Variants in PTPN4 observed in about 807,000 individuals in gnomAD.
The protein encoded by PTPN4 is protein tyrosine phosphatase non-receptor type 4.
In PTPN4, 49 loss-of-function variants were observed where a neutral mutation model predicts 135.5. That is an observed-to-expected ratio of 0.36 (90% CI 0.29 to 0.46). The LOEUF is 0.46. Among genes scored for constraint, PTPN4 ranks in the 20% least tolerant of loss-of-function variants. PTPN4 has a pLI of 1.00. For missense variants in PTPN4, 860 were observed against 1,101.0 expected (o/e 0.78, Z 3.10); for synonymous variants, 333 against 369.9 (o/e 0.90, Z 1.14).
chr2:119,822,358 C>T (rs1208922011), intron 2 of PTPN4, among the ~76,000 whole-genome samples: 1 of 130,016 alleles, frequency 7.7e-6, no homozygotes, highest in East Asian at 2.2e-4. Flanking sequence ...TATCCCCTCC[C>T]CCCCCCTTTT....
In PTPN4 at chr2:119,982,433, G is replaced by C. The variant is rs1215410954; in HGVS notation, c.*5363G>C. On this transcript the variant is annotated 3_prime_UTR_variant, in exon 27 of 27. Coordinates refer to ENST00000263708, the MANE Select transcript of PTPN4 (RefSeq NM_002830.4). ...CACGGGATTGAAAAGAAAGGGAAGA[G>C]TATTACACTTCATTGTACAAAATGT... 1 of 150,374 alleles carries C rather than the reference G, an allele frequency of 6.7e-6. No individual in the cohort carries two copies. Among genetic ancestry groups the C allele is most frequent in the African/African-American group, 2.5e-5 (1 of 40,752 alleles). 9.3% of individuals were successfully genotyped at this position (150,374 alleles called of 1,614,324 possible).
In PTPN4 at chr2:119,881,805, A is replaced by G; in HGVS notation, c.388A>G (p.Ile130Val). 1 of 1,564,126 alleles carries G rather than the reference A, an allele frequency of 6.4e-7. No individual in the cohort carries two copies. Among genetic ancestry groups the G allele is most frequent in the Non-Finnish European group, 8.7e-7 (1 of 1,143,310 alleles). ...EYTRYQYFLQ[I>V]KQDILTGRLP... is the part of the protein sequence containing the mutation. ...TTTAAGGTACCAGTATTTTTTGCAA[A>G]TTAAACAAGACATTCTTACTGGAAG... The change falls in exon 6 of 27, where the codon ATT (isoleucine) becomes GTT (valine). Residue 130 changes from isoleucine (I) to valine (V), a missense_variant. Ile to Val is a conservative substitution (Grantham distance 29). Coordinates refer to ENST00000263708, the MANE Select transcript of PTPN4 (RefSeq NM_002830.4).
Position 119,776,071 on chromosome 2 carries a change from A to T in PTPN4, c.-18+15687A>T, listed in dbSNP as rs374753726. Among the ~76,000 whole-genome samples the T allele has an allele frequency of 7.2e-4, 109 of 152,360 alleles. No individual in the cohort carries two copies. In the South Asian group the frequency reaches 0.011, roughly 16 times the overall value. On this transcript the variant is annotated intron_variant, in intron 1 of 26. Coordinates refer to ENST00000263708, the MANE Select transcript of PTPN4 (RefSeq NM_002830.4). ...CTGGCAGAAGGGTTCCACTTATTCAAGACTGCCTTTAACTTCTTTTACAAC... is the reference window on the plus strand; with the variant it reads ...CTGGCAGAAGGGTTCCACTTATTCATGACTGCCTTTAACTTCTTTTACAAC...
intron 3 of PTPN4, among the ~76,000 whole-genome samples, chr2:119,875,211 A>G (rs1677967511): frequency 6.6e-6 from 1 of 152,092 alleles, no homozygotes; most frequent in South Asian, 2.1e-4. Flanking sequence ...TATTTTTACC[A>G]TTCAGTAGTG....
chr2:119,873,901 A>G (rs1677949320), intron 3 of PTPN4, among the ~76,000 whole-genome samples: 1 of 152,182 alleles, frequency 6.6e-6, no homozygotes, highest in Admixed American at 6.5e-5. Flanking sequence ...GGTTTATCAT[A>G]TGTGATTTCA....
intron 3 of PTPN4, among the ~76,000 whole-genome samples, chr2:119,872,901 T>C (rs186076000): frequency 2.6e-5 from 4 of 152,268 alleles, no homozygotes; most frequent in Admixed American, 6.5e-5. Flanking sequence ...GATGAAGAAA[T>C]AAATATATGG....
chr2:119,778,262 A>T (rs1399764475), intron 1 of PTPN4, among the ~76,000 whole-genome samples: 1 of 152,204 alleles, frequency 6.6e-6, no homozygotes, highest in Non-Finnish European at 1.5e-5. Context: ...GGAAAGAACT[A>T]GCTGGCTGCT....
chr2:119,882,146 CAGTGTA>C lies in PTPN4; in HGVS notation c.466+1_466+6del. 6.2e-7 allele frequency: 1 copy of C among 1,607,474 alleles called. No homozygotes were observed. Among genetic ancestry groups the C allele is most frequent in the Non-Finnish European group, 8.5e-7 (1 of 1,174,226 alleles). On this transcript the variant is annotated splice_donor_variant and splice_donor_region_variant and coding_sequence_variant and intron_variant, in exon 7 of 27. Coordinates refer to ENST00000263708, the MANE Select transcript of PTPN4 (RefSeq NM_002830.4). LOFTEE classifies it high-confidence loss of function. ...TGCCCTTTTAGCTTCATTTGCTGTTCAGTGTAAGTATCAGCCCATTTTTAGGTCAAA... is the reference window on the plus strand; with the variant it reads ...TGCCCTTTTAGCTTCATTTGCTGTTCAGTATCAGCCCATTTTTAGGTCAAA...
chr2:119,965,174 T>A (rs1679427849), intron 24 of PTPN4, among the ~76,000 whole-genome samples: 1 of 152,130 alleles, frequency 6.6e-6, no homozygotes, highest in Non-Finnish European at 1.5e-5. Context: ...GAGTCAGTAG[T>A]TTCATCAGTA....
At chr2:119,927,044 T>A (rs1178187611) in intron 13 of PTPN4, among the ~76,000 whole-genome samples, 1 of 151,960 alleles carries the variant, frequency 6.6e-6, no homozygotes, top group Non-Finnish European at 1.5e-5. Context: ...AGAGATAAGT[T>A]GTTTTATTTT....
At chr2:119,932,807 G>A (rs751616379) in intron 14 of PTPN4, among the ~76,000 whole-genome samples, 2 of 152,094 alleles carry the variant, frequency 1.3e-5, no homozygotes, top group Admixed American at 6.5e-5. Flanking sequence ...GTTAACTTTC[G>A]CAGTTAAGAG....
At chr2:119,823,298 G>C (rs566716731) in intron 2 of PTPN4, among the ~76,000 whole-genome samples, 1 of 149,540 alleles carries the variant, frequency 6.7e-6, no homozygotes, top group Non-Finnish European at 1.5e-5. Flanking sequence ...GCAGTGGCTC[G>C]ATCTCCGCTC....
chr2:119,859,537 C>A (rs1001651670), intron 2 of PTPN4, among the ~76,000 whole-genome samples: 1 of 152,186 alleles, frequency 6.6e-6, no homozygotes, highest in Non-Finnish European at 1.5e-5. Context: ...CCTGAATCTT[C>A]TTCCTCCTGT....
At chr2:119,847,361 CTT>C (rs1464625640) in intron 2 of PTPN4, among the ~76,000 whole-genome samples, 1 of 129,220 alleles carries the variant, frequency 7.7e-6, no homozygotes, top group East Asian at 2.2e-4. Context: ...GAGTTTTGCT[CTT>C]GTTGCCCAGG....
chr2:119,807,764 CACA>C (rs1452976295), intron 1 of PTPN4, among the ~76,000 whole-genome samples: 1 of 152,050 alleles, frequency 6.6e-6, no homozygotes, highest in African/African-American at 2.4e-5. Flanking sequence ...CTGGCAGAGA[CACA>C]ACAAAAAAAG....
intron 9 of PTPN4, among the ~76,000 whole-genome samples, chr2:119,889,738 T>C (rs115019336): frequency 0.027 from 4,126 of 152,284 alleles, 96 homozygotes; most frequent in Non-Finnish European, 0.041. Context: ...TTCTCCTTTT[T>C]TTGTGTAGGC....
chr2:119,928,136 GTTTGTT>G (rs1324221047), intron 13 of PTPN4, among the ~76,000 whole-genome samples: 1 of 152,004 alleles, frequency 6.6e-6, no homozygotes, highest in Non-Finnish European at 1.5e-5. Context: ...ACTATTTGTT[GTTTGTT>G]TTTATCATCT....
chr2:119,972,436 T>C (rs1050503169), intron 26 of PTPN4, among the ~76,000 whole-genome samples: 3 of 152,200 alleles, frequency 2.0e-5, no homozygotes, highest in African/African-American at 7.2e-5. Context: ...ACCAATAGTT[T>C]TGTGTGTGAG....
chr2:119,789,722 T>C (rs975130938), intron 1 of PTPN4, among the ~76,000 whole-genome samples: 1 of 152,162 alleles, frequency 6.6e-6, no homozygotes, highest in African/African-American at 2.4e-5. Context: ...TAATAATTGA[T>C]AATTTCTTCT....
Sources: gnomAD v4.1 joint callset for allele counts (sites outside exome capture counted in the v4.1 genomes callset) on GRCh38, gnomAD v4.1.1 for gene constraint, MANE v1.5 for transcripts, NCBI Gene and HGNC (gene_info 2026-07-23, HGNC 2026-07-21) for gene names.